The following FILIP1 variants were observed in gnomAD, a reference collection of about 807,000 sequenced individuals.
The protein encoded by FILIP1 is filamin A interacting protein 1, also known as filamin-A-interacting protein 1.
A neutral mutation model predicts 102.1 loss-of-function variants in FILIP1; 61 were observed. That is an observed-to-expected ratio of 0.60 (90% CI 0.49 to 0.74). FILIP1 has a LOEUF of 0.74. Ranked by LOEUF, FILIP1 falls within the 30% of genes least tolerant of loss-of-function variation. FILIP1 has a pLI of 0.00. For synonymous variants in FILIP1, 491 were observed against 526.9 expected (o/e 0.93, Z 0.93); for missense variants, 1,314 against 1,441.2 (o/e 0.91, Z 1.43).
intron 1 of FILIP1, among the ~76,000 whole-genome samples, chr6:75,482,066 C>T (rs1463628210): frequency 6.6e-6 from 1 of 152,088 alleles, no homozygotes; most frequent in Non-Finnish European, 1.5e-5. Flanking sequence ...TGGTTTTCCC[C>T]CTTGTCCTCT....
intron 2 of FILIP1, among the ~76,000 whole-genome samples, chr6:75,378,158 A>G (rs755627249): frequency 6.6e-6 from 1 of 151,584 alleles, no homozygotes; most frequent in Non-Finnish European, 1.5e-5. Flanking sequence ...ATTAACATTG[A>G]ACTCATGATC....
At chr6:75,453,434 T>C (rs949074043) in intron 1 of FILIP1, among the ~76,000 whole-genome samples, 6 of 152,202 alleles carry the variant, frequency 3.9e-5, no homozygotes, top group African/African-American at 1.2e-4. Flanking sequence ...TATATAGTCA[T>C]TCAGTAAATA....
intron 4 of FILIP1, among the ~76,000 whole-genome samples, chr6:75,320,383 C>G (rs1212326319): frequency 1.3e-5 from 2 of 152,026 alleles, no homozygotes; most frequent in African/African-American, 4.8e-5. Context: ...ATGGCAAAAC[C>G]TCATCTCTAC....
At chr6:75,295,451 T>G (rs914134875) in exon 7 of FILIP1, 2 of 152,322 alleles carry the variant, frequency 1.3e-5, no homozygotes, top group African/African-American at 4.8e-5. Context: ...ATAGTTGTAC[T>G]TTCTTTTTTT....
intron 2 of FILIP1, among the ~76,000 whole-genome samples, chr6:75,413,543 G>T (rs745531954): frequency 6.6e-6 from 1 of 151,956 alleles, no homozygotes; most frequent in Non-Finnish European, 1.5e-5. Context: ...TTCCTTATCT[G>T]TATGCACACA....
intron 1 of FILIP1, among the ~76,000 whole-genome samples, chr6:75,448,868 T>C (rs928087031): frequency 6.6e-6 from 1 of 152,090 alleles, no homozygotes; most frequent in Non-Finnish European, 1.5e-5. Context: ...GGATACACTG[T>C]TGGTAGGAAT....
In FILIP1 at chr6:75,315,089, A is replaced by G. The variant is rs776864651; in HGVS notation, c.743T>C (p.Leu248Pro). 2 of 1,613,838 alleles carry G rather than the reference A, an allele frequency of 1.2e-6. No individual in the cohort carries two copies. The highest frequency in any genetic ancestry group is 2.2e-5 in the South Asian group (2 of 90,940). Residue 248 changes from leucine (L) to proline (P), a missense_variant, in exon 5 of 6, where the codon CTC becomes CCC. Physicochemically the swap from Leu to Pro is moderately conservative, Grantham distance 98 (BLOSUM62 -3). Transcript: ENST00000237172. ...CATTTGTCTTTCATCCACCAGCATG[A>G]GTGCAAAGGATTTGAGTTTAACAAG... ...DELVKLKSFA[L>P]MLVDERQMHI... is the part of the protein sequence containing the mutation.
chr6:75,292,139 TAAAAG>T (rs1049886957), exon 7 of FILIP1: 4 of 152,164 alleles, frequency 2.6e-5, no homozygotes, highest in Non-Finnish European at 2.9e-5. Context: ...TAATAAAACT[TAAAAG>T]GAAACAAAAT....
intron 4 of FILIP1, among the ~76,000 whole-genome samples, chr6:75,338,501 C>T (rs1206866006): frequency 6.6e-6 from 1 of 152,204 alleles, no homozygotes; most frequent in Admixed American, 6.5e-5. Context: ...AGCCTCCTCT[C>T]TGGAGTCCAA....
chr6:75,457,329 A>G (rs548192180), intron 1 of FILIP1, among the ~76,000 whole-genome samples: 2 of 152,318 alleles, frequency 1.3e-5, no homozygotes, highest in African/African-American at 4.8e-5. Context: ...CCACATGCAC[A>G]CTTCTTTATA....
chr6:75,340,398 G>A (rs6453823), intron 4 of FILIP1, among the ~76,000 whole-genome samples: 111,329 of 151,530 alleles, frequency 0.73, 41,426 homozygotes, highest in African/African-American at 0.86. Flanking sequence ...GTTGTTCCCA[G>A]CGTTTACAAA....
At chr6:75,357,994 A>G (rs1284877682) in intron 3 of FILIP1, among the ~76,000 whole-genome samples, 1 of 152,224 alleles carries the variant, frequency 6.6e-6, no homozygotes, top group Non-Finnish European at 1.5e-5. Flanking sequence ...TGAAAGTAGA[A>G]TAGGCACCTA....
chr6:75,384,035 T>G (rs1775995560), intron 2 of FILIP1, among the ~76,000 whole-genome samples: 1 of 152,188 alleles, frequency 6.6e-6, no homozygotes, highest in African/African-American at 2.4e-5. Flanking sequence ...TAATACTCAT[T>G]TCACCATAAC....
chr6:75,390,629 A>T (rs187693041), intron 2 of FILIP1, among the ~76,000 whole-genome samples: 185 of 152,268 alleles, frequency 1.2e-3, no homozygotes, highest in African/African-American at 4.2e-3. Flanking sequence ...GGACAGTACC[A>T]AGGGGAGTGG....
chr6:75,418,787 A>G (rs1430596962), intron 1 of FILIP1, among the ~76,000 whole-genome samples: 1 of 152,252 alleles, frequency 6.6e-6, no homozygotes, highest in Non-Finnish European at 1.5e-5. Flanking sequence ...TTAAAAAATC[A>G]GTGTTAACTG....
At chr6:75,360,884 C>G (rs1468173019) in intron 3 of FILIP1, 1 of 152,146 alleles carries the variant, frequency 6.6e-6, no homozygotes, top group East Asian at 1.9e-4. Context: ...CGGTTCCTGC[C>G]TCGTGAATTT....
At chr6:75,336,710 T>C (rs1010477259) in intron 4 of FILIP1, among the ~76,000 whole-genome samples, 7 of 152,168 alleles carry the variant, frequency 4.6e-5, no homozygotes, top group African/African-American at 1.7e-4. Flanking sequence ...AAACCTTTTT[T>C]AAAAATACCA....
intron 1 of FILIP1, among the ~76,000 whole-genome samples, 168 bp from the exon 2 acceptor site, chr6:75,415,146 A>G (rs1232207056): frequency 6.6e-6 from 1 of 152,174 alleles, no homozygotes; most frequent in East Asian, 1.9e-4. Flanking sequence ...TCTTCAGAAA[A>G]AATGAAAGTA....
intron 2 of FILIP1, among the ~76,000 whole-genome samples, chr6:75,373,230 A>T (rs1415808126): frequency 6.6e-6 from 1 of 152,226 alleles, no homozygotes; most frequent in Non-Finnish European, 1.5e-5. Context: ...TAGAGTACTC[A>T]AATCATAGAG....
Sources: gnomAD v4.1 joint callset for allele counts (sites outside exome capture counted in the v4.1 genomes callset) on GRCh38, gnomAD v4.1.1 for gene constraint, MANE v1.5 for transcripts, NCBI Gene and HGNC (gene_info 2026-07-23, HGNC 2026-07-21) for gene names.